Variants in N4BP2L2 observed in about 807,000 individuals in gnomAD.
The protein encoded by N4BP2L2 is NEDD4 binding protein 2 like 2, also known as NEDD4-binding protein 2-like 2.
N4BP2L2 carries 50 observed loss-of-function variants against 56.2 expected under a neutral mutation model. The observed-to-expected ratio is 0.89, with a 90% CI of 0.71 to 1.13. The LOEUF (loss-of-function observed/expected upper bound fraction) is 1.13. Ranked by LOEUF, N4BP2L2 falls within the 50% of genes most tolerant of loss-of-function variation. The pLI is 0.00. For synonymous variants in N4BP2L2, 203 were observed against 223.6 expected, an observed-to-expected ratio of 0.91 and a Z score of 0.82; for missense variants, 689 against 693.8, an observed-to-expected ratio of 0.99 and a Z score of 0.08.
chr13:32,454,962 T>C (rs1359020989), intron 6 of N4BP2L2, among the ~76,000 whole-genome samples: 1 of 152,158 alleles, frequency 6.6e-6, no homozygotes, highest in Admixed American at 6.5e-5. Context: ...CACAGACTCT[T>C]GCAACCTGGG....
intron 6 of N4BP2L2, among the ~76,000 whole-genome samples, chr13:32,500,427 A>G (rs931788691): frequency 9.9e-5 from 15 of 151,996 alleles, no homozygotes; most frequent in Admixed American, 6.6e-5. Context: ...GAAGAACAAC[A>G]TAACTAAAAA....
chr13:32,443,927 C>T, exon 7 of N4BP2L2: 1 of 1,588,990 alleles, frequency 6.3e-7, no homozygotes, highest in Non-Finnish European at 8.6e-7. Flanking sequence ...AAGGGATATT[C>T]TGATTCTCTT....
rs560029008 is a variant in N4BP2L2 at position 32,514,325 on chromosome 13, C to G, written c.*3477G>C. 5 of 152,154 alleles carry G rather than the reference C, an allele frequency of 3.3e-5. No homozygotes were observed. In the East Asian group the frequency reaches 9.6e-4, roughly 29 times the overall value. 9.4% of individuals were successfully genotyped at this position (152,154 alleles called of 1,614,324 possible). ...ACATAAAAAATCATAAATTCATTTACCACAAAAAAGTAACTTCTGCACTAA... is the reference window on the plus strand; with the variant it reads ...ACATAAAAAATCATAAATTCATTTAGCACAAAAAAGTAACTTCTGCACTAA... On this transcript the variant is annotated 3_prime_UTR_variant, in exon 6 of 6. Transcript: ENST00000267068.
At chr13:32,529,115 A>AT (rs1019510401) in intron 2 of N4BP2L2, among the ~76,000 whole-genome samples, 4 of 152,208 alleles carry the variant, frequency 2.6e-5, no homozygotes, top group Non-Finnish European at 5.9e-5. Flanking sequence ...CAGATGCAAT[A>AT]TTTTTTCTCA....
intron 6 of N4BP2L2, among the ~76,000 whole-genome samples, chr13:32,464,560 C>T (rs976153944): frequency 1.3e-5 from 2 of 152,168 alleles, no homozygotes; most frequent in African/African-American, 2.4e-5. Flanking sequence ...TCTTCTAGCA[C>T]TAGGAATAAC....
At chr13:32,502,296 C>CG (rs2090155716) in intron 6 of N4BP2L2, among the ~76,000 whole-genome samples, 1 of 151,918 alleles carries the variant, frequency 6.6e-6, no homozygotes, top group South Asian at 2.1e-4. Flanking sequence ...AGGCTGGTCT[C>CG]GAACACCTGG....
chr13:32,470,768 T>A (rs1175323581), intron 6 of N4BP2L2, among the ~76,000 whole-genome samples: 1 of 152,044 alleles, frequency 6.6e-6, no homozygotes, highest in African/African-American at 2.4e-5. Flanking sequence ...AACAGCGGAG[T>A]ATGCTGAGTA....
chr13:32,517,555 CTA>C (rs2049509692), exon 6 of N4BP2L2: 2 of 1,247,338 alleles, frequency 1.6e-6, no homozygotes, highest in African/African-American at 3.0e-5. Context: ...ACCCACCACT[CTA>C]TTACTCAGGT....
Position 32,442,571 on chromosome 13 carries a change from CA to C in N4BP2L2, c.1920del (p.Asp641IlefsTer5). ...AACCTTTCATTTAAAAAGTGAAAAT[CA>C]GAAGTGACTCCCAAAGAGCACGAAG... On this transcript the variant is annotated frameshift_variant, in exon 7 of 10. Coordinates refer to the N4BP2L2 transcript ENST00000357505. LOFTEE classifies it high-confidence loss of function. 1 of 1,613,794 alleles carries C rather than the reference CA, an allele frequency of 6.2e-7. No homozygotes were observed. The highest frequency in any genetic ancestry group is 8.5e-7 in the Non-Finnish European group (1 of 1,179,814).
At chr13:32,445,111 C>T (rs1276768149) in intron 6 of N4BP2L2, among the ~76,000 whole-genome samples, 4 of 152,006 alleles carry the variant, frequency 2.6e-5, no homozygotes, top group Non-Finnish European at 2.9e-5. Flanking sequence ...ATTAGCTGGG[C>T]GTGGTGGTTC....
exon 6 of N4BP2L2, chr13:32,516,692 T>A (rs565830615): frequency 6.0e-6 from 1 of 166,634 alleles, no homozygotes; most frequent in South Asian, 2.0e-4. Flanking sequence ...AGCTGGGTTT[T>A]TTTTCCCCTA....
chr13:32,433,870 G>T (rs2075122195), intron 9 of N4BP2L2, among the ~76,000 whole-genome samples: 1 of 143,096 alleles, frequency 7.0e-6, no homozygotes, highest in African/African-American at 2.6e-5. Context: ...GGCAGAGACT[G>T]CAGTGAGCTG....
At chr13:32,497,822 C>A (rs2089096979) in intron 6 of N4BP2L2, among the ~76,000 whole-genome samples, 1 of 152,178 alleles carries the variant, frequency 6.6e-6, no homozygotes. Flanking sequence ...GATACAATGT[C>A]CACAGATGTT....
chr13:32,509,464 T>C (rs943447519), downstream of N4BP2L2: 2 of 152,336 alleles, frequency 1.3e-5, no homozygotes, highest in South Asian at 4.1e-4. Flanking sequence ...TATCAAAAGT[T>C]TGTTGACTGT....
intron 6 of N4BP2L2, among the ~76,000 whole-genome samples, chr13:32,467,305 TGGA>T (rs1183978027): frequency 6.6e-6 from 1 of 151,844 alleles, no homozygotes; most frequent in Admixed American, 6.6e-5. Context: ...TTACCCAGGC[TGGA>T]GTGCTGTGGC....
At chr13:32,471,800 C>T (rs540791001) in intron 6 of N4BP2L2, among the ~76,000 whole-genome samples, 6 of 152,342 alleles carry the variant, frequency 3.9e-5, no homozygotes, top group African/African-American at 1.4e-4. Context: ...TAAAGCCATA[C>T]TCACTGCCTA....
At chr13:32,482,170 C>T (rs1453224127) in intron 6 of N4BP2L2, among the ~76,000 whole-genome samples, 2 of 152,074 alleles carry the variant, frequency 1.3e-5, no homozygotes, top group South Asian at 2.1e-4. Context: ...AGGATGCTAG[C>T]CAATGCCTGA....
At chr13:32,443,665 G>C (rs1384658759) in exon 7 of N4BP2L2, 1 of 1,611,016 alleles carries the variant, frequency 6.2e-7, no homozygotes, top group Admixed American at 1.7e-5. Flanking sequence ...CTTCATGCCA[G>C]AGCAGTCATC....
At chr13:32,459,140 G>T (rs180952913) in intron 6 of N4BP2L2, among the ~76,000 whole-genome samples, 2 of 152,176 alleles carry the variant, frequency 1.3e-5, no homozygotes, top group East Asian at 3.9e-4. Context: ...AGCAAAAACA[G>T]TGCTAAGAGG....
Sources: allele counts gnomAD v4.1 joint callset (sites outside exome capture counted in the v4.1 genomes callset), GRCh38; gene constraint gnomAD v4.1.1; transcripts MANE v1.5; gene names NCBI Gene and HGNC (gene_info 2026-07-23, HGNC 2026-07-21).